Variants in PCDHA7 observed in about 807,000 individuals in gnomAD.
PCDHA7 encodes the protein protocadherin alpha 7, also known as protocadherin alpha-7.
Under a neutral mutation model 57.2 loss-of-function variants are expected in PCDHA7, and 37 were observed. That is an observed-to-expected ratio of 0.65 (90% CI 0.50 to 0.85). The LOEUF (loss-of-function observed/expected upper bound fraction) is 0.85. Ranked by LOEUF, PCDHA7 falls within the 40% of genes least tolerant of loss-of-function variation. The pLI, the probability that PCDHA7 is intolerant of heterozygous loss-of-function variation, is 0.00. For missense variants in PCDHA7, 1,188 were observed against 1,241.8 expected, an observed-to-expected ratio of 0.96 and a Z score of 0.65; for synonymous variants, 553 against 558.8, an observed-to-expected ratio of 0.99 and a Z score of 0.15.
At chr5:140,856,030 A>G in intron 1 of PCDHA7, 2 of 1,561,578 alleles carry the variant, frequency 1.3e-6, no homozygotes, top group East Asian at 4.5e-5. Context: ...GTCGATTTGT[A>G]AAACAAGAGA....
intron 1 of PCDHA7, chr5:140,875,581 G>A (rs1158750138): frequency 6.8e-6 from 11 of 1,613,944 alleles, no homozygotes; most frequent in African/African-American, 4.0e-5. Context: ...CTCCGTCTAC[G>A]AGGAGGCCAA....
intron 3 of PCDHA7, among the ~76,000 whole-genome samples, chr5:141,005,559 G>A (rs980622255): frequency 6.6e-6 from 1 of 151,190 alleles, no homozygotes; most frequent in Admixed American, 6.6e-5. Flanking sequence ...AAAATTAGCC[G>A]GGCATGGTGG....
Position 140,877,413 on chromosome 5 carries a change from G to T in PCDHA7, c.2355+40675G>T, listed in dbSNP as rs540811233. 2.4e-5 allele frequency: 39 copies of T among 1,613,922 alleles called. No homozygotes were observed. The East Asian group carries it at 2.5e-4, about 10-fold the overall frequency. On this transcript the variant is annotated intron_variant, in intron 1 of 3. Transcript: ENST00000525929. Reference sequence around the variant, plus strand: ...AGGCGGACGCTCCGCGCCACCGCCTGCTGGTGCTGGTGAAGGACCACGGTG... The same window carrying T: ...AGGCGGACGCTCCGCGCCACCGCCTTCTGGTGCTGGTGAAGGACCACGGTG...
intron 1 of PCDHA7, chr5:140,877,117 G>C: frequency 6.2e-7 from 1 of 1,613,720 alleles, no homozygotes; most frequent in Non-Finnish European, 8.5e-7. Flanking sequence ...GGGCAGCAAC[G>C]TGACGCTGCA....
intron 1 of PCDHA7, among the ~76,000 whole-genome samples, chr5:140,886,681 C>T (rs1184298079): frequency 1.3e-5 from 2 of 151,832 alleles, no homozygotes; most frequent in Admixed American, 6.6e-5. Context: ...CAAAAATTAG[C>T]GAGGCATGGT....
At chr5:140,887,263 A>AT (rs1336620900) in intron 1 of PCDHA7, among the ~76,000 whole-genome samples, 1 of 151,790 alleles carries the variant, frequency 6.6e-6, no homozygotes, top group Non-Finnish European at 1.5e-5. Flanking sequence ...CGCCCTGCTA[A>AT]TTTTTTGTAT....
At chr5:140,928,690 A>G in intron 1 of PCDHA7, 3 of 1,614,180 alleles carry the variant, frequency 1.9e-6, no homozygotes, top group Non-Finnish European at 2.5e-6. Flanking sequence ...TTCCTACCAC[A>G]TCTCCCGGGC....
In PCDHA7 at chr5:141,010,049, C is replaced by G. The variant is rs1554262651; in HGVS notation, c.*112C>G. 7 of 1,597,692 alleles carry G rather than the reference C, an allele frequency of 4.4e-6. No individual in the cohort carries two copies. The highest frequency in any genetic ancestry group is 1.3e-5 in the African/African-American group (1 of 74,172). On this transcript the variant is annotated 3_prime_UTR_variant, in exon 4 of 4. Coordinates refer to ENST00000525929, the MANE Select transcript of PCDHA7 (RefSeq NM_018910.3). ...TATCTACATGAGCCCTCTTAGAGAC[C>G]TCAGAAATCTGCAGAAAGTTCCCTG...
rs1181664726 is a variant in PCDHA7 at position 140,982,480 on chromosome 5, T to C, written c.2420T>C (p.Val807Ala). ...GGGTCTGTGTGTTTATTCAGCTCTG[T>C]GCACCTAGAGGAGGCTGGCATTCTA... ...ASLRAGMHSS[V>A]HLEEAGILRA... is the part of the protein sequence containing the mutation. The change falls in exon 3 of 4, where the codon GTG (valine) becomes GCG (alanine). Residue 807 changes from valine (V) to alanine (A), a missense_variant. Coordinates refer to ENST00000525929, the MANE Select transcript of PCDHA7 (RefSeq NM_018910.3). 5.0e-6 allele frequency: 8 copies of C among 1,614,216 alleles called. No individual in the cohort carries two copies. Among genetic ancestry groups the C allele is most frequent in the Non-Finnish European group, 6.8e-6 (8 of 1,180,038 alleles).
At chr5:140,927,212 T>C (rs150770754) in intron 1 of PCDHA7, 20 of 1,614,012 alleles carry the variant, frequency 1.2e-5, no homozygotes, top group African/African-American at 1.1e-4. Flanking sequence ...CCGCTGGAGC[T>C]GCACAAGATT....
chr5:140,981,024 A>G (rs2096915063), intron 2 of PCDHA7, among the ~76,000 whole-genome samples: 2 of 152,112 alleles, frequency 1.3e-5, no homozygotes, highest in Admixed American at 6.5e-5. Flanking sequence ...AAGGCTGTTA[A>G]TATTTGGGGA....
Position 140,836,222 on chromosome 5 carries a change from G to A in PCDHA7, c.1839G>A (p.Pro613=), listed in dbSNP as rs1366875668. 2 of 1,613,676 alleles carry A rather than the reference G, an allele frequency of 1.2e-6. No individual in the cohort carries two copies. Among genetic ancestry groups the A allele is most frequent in the Non-Finnish European group, 8.5e-7 (1 of 1,179,828 alleles). ...CGTGGCTTTCGTATGAGTTGCAACC[G>A]GTGGCGGCCGGTGCGAGCATCCCGT... The part of the protein sequence containing the change: ...YNAWLSYELQ[P]VAAGASIPFR... Residue 613 remains proline, a synonymous_variant, in exon 1 of 4, where the codon CCG becomes CCA. Transcript: ENST00000525929.
chr5:140,978,868 G>C (rs2096826928), intron 1 of PCDHA7, 81 bp from the exon 2 acceptor site: 2 of 1,606,078 alleles, frequency 1.2e-6, no homozygotes, highest in Non-Finnish European at 1.7e-6. Context: ...ATATTTAAGG[G>C]AGTAACTAAT....
intron 1 of PCDHA7, chr5:140,854,175 A>AAAAG (rs386405127): frequency 4.4e-6 from 3 of 674,282 alleles, no homozygotes; most frequent in African/African-American, 2.0e-5. Flanking sequence ...AAAAAAAAAA[A>AAAAG]AGAGTAGTTT....
chr5:140,914,364 A>T lies in PCDHA7; in HGVS notation c.2356-64585A>T, dbSNP rs1256559741. 2.0e-5 allele frequency among the ~76,000 whole-genome samples: 3 copies of T among 152,096 alleles called. No individual in the cohort carries two copies. The East Asian group carries it at 5.8e-4, about 29-fold the overall frequency. On this transcript the variant is annotated intron_variant, in intron 1 of 3. Transcript: ENST00000525929. ...CTCTTTTTGGAGTTTTTGTCTTGAG[A>T]TCTATTTTATCTGTTATAAGTGTAG...
intron 1 of PCDHA7, chr5:140,857,582 G>T: frequency 6.3e-7 from 1 of 1,596,726 alleles, no homozygotes; most frequent in Non-Finnish European, 8.6e-7. Flanking sequence ...GGTGCACGCG[G>T]AGAGCGGCAA....
Position 140,836,043 on chromosome 5 carries a change from T to A in PCDHA7, c.1660T>A (p.Phe554Ile), listed in dbSNP as rs147222848. The change falls in exon 1 of 4, where the codon TTC becomes ATC. Residue 554 changes from phenylalanine to isoleucine, a missense_variant. Phe to Ile is a conservative substitution (Grantham distance 21). This residue lies in a region of PCDHA7 where 892 missense variants were observed against 788.5 expected (regional missense o/e 1.13). Transcript: ENST00000525929. ...GGGCAGCAACGTGACGCTGCAGGTGTTCGTGCTGGACGAGAACGACAACGC... is the reference window on the plus strand; with the variant it reads ...GGGCAGCAACGTGACGCTGCAGGTGATCGTGCTGGACGAGAACGACAACGC... ...PLGSNVTLQV[F>I]VLDENDNAPA... 1.1e-5 allele frequency: 18 copies of A among 1,613,268 alleles called. No homozygotes were observed. Among genetic ancestry groups the A allele is most frequent in the Non-Finnish European group, 1.5e-5 (18 of 1,179,702 alleles).
chr5:140,884,423 AC>A, intron 1 of PCDHA7: 3 of 1,613,932 alleles, frequency 1.9e-6, no homozygotes, highest in Non-Finnish European at 2.5e-6. Flanking sequence ...GCTGCTGTAT[AC>A]TGCGCTGCGG....
At position 140,883,293 on chromosome 5, in the gene PCDHA7, A is replaced by G. The variant is rs1324977852; in HGVS notation, c.2355+46555A>G. On this transcript the variant is annotated intron_variant, in intron 1 of 3. Coordinates refer to ENST00000525929, the MANE Select transcript of PCDHA7 (RefSeq NM_018910.3). ...TGTACCCTTTTGGTGGAAGTACTAGATGTAAATGATAACGCCCCAGAGGTT... is the reference window on the plus strand; with the variant it reads ...TGTACCCTTTTGGTGGAAGTACTAGGTGTAAATGATAACGCCCCAGAGGTT... 2 of 1,614,102 alleles carry G rather than the reference A, an allele frequency of 1.2e-6. No homozygotes were observed. Among genetic ancestry groups the G allele is most frequent in the Non-Finnish European group, 1.7e-6 (2 of 1,180,026 alleles).
Sources: gnomAD v4.1 joint callset for allele counts (sites outside exome capture counted in the v4.1 genomes callset) on GRCh38, gnomAD v4.1.1 for gene constraint, gnomAD v4.1.1 regional missense constraint, MANE v1.5 for transcripts, NCBI Gene and HGNC (gene_info 2026-07-23, HGNC 2026-07-21) for gene names.